The following KAT6B variants were observed in gnomAD, a reference collection of about 807,000 sequenced individuals.
KAT6B encodes the protein lysine acetyltransferase 6B, also known as histone acetyltransferase KAT6B.
KAT6B carries 10 observed loss-of-function variants against 187.5 expected under a neutral mutation model. The observed-to-expected ratio is 0.05, with a 90% CI of 0.03 to 0.09. The LOEUF is 0.09. KAT6B is among the 10% of genes least tolerant of loss of function. The pLI, the probability that KAT6B is intolerant of heterozygous loss-of-function variation, is 1.00. For missense variants in KAT6B, 1,952 were observed against 2,558.9 expected (o/e 0.76, Z 5.12); for synonymous variants, 861 against 926.8 (o/e 0.93, Z 1.29).
chr10:74,967,482 T>A (rs1841562075), intron 4 of KAT6B, among the ~76,000 whole-genome samples: 1 of 152,238 alleles, frequency 6.6e-6, no homozygotes, highest in Admixed American at 6.5e-5. Flanking sequence ...GTTACGGTCT[T>A]TTGTGTTATT....
At chr10:74,970,284 CAT>C (rs982971168) in intron 6 of KAT6B, among the ~76,000 whole-genome samples, 183 bp downstream of exon 6, 12 of 151,094 alleles carry the variant, frequency 7.9e-5, no homozygotes, top group Admixed American at 4.0e-4. Flanking sequence ...GAAAAAAATA[CAT>C]ATATATATGT....
At chr10:75,024,832 A>C (rs1402060551) in intron 16 of KAT6B, 126 bp from the exon 17 acceptor site, 7 of 843,638 alleles carry the variant, frequency 8.3e-6, no homozygotes, top group Non-Finnish European at 1.4e-5. Context: ...GTTAAGTACA[A>C]AGGCATTACA....
intron 4 of KAT6B, among the ~76,000 whole-genome samples, chr10:74,960,791 C>T (rs907061090): frequency 5.3e-5 from 8 of 152,168 alleles, no homozygotes; most frequent in Non-Finnish European, 1.2e-4. Context: ...CAAGTAAACA[C>T]CCTGGCACAA....
chr10:74,832,278 A>G lies in KAT6B; in HGVS notation c.-329+5493A>G, dbSNP rs1424877219. ...GAAGACATCTGTAATACAGTTAACA[A>G]AGAATCCTGTAATAATCTCTCTTTC... On this transcript the variant is annotated intron_variant, in intron 1 of 17. Coordinates refer to ENST00000287239, the MANE Select transcript of KAT6B (RefSeq NM_012330.4). 4.6e-5 allele frequency among the ~76,000 whole-genome samples: 7 copies of G among 152,316 alleles called. No homozygotes were observed. The East Asian group carries it at 1.4e-3, about 29-fold the overall frequency.
rs531183856 is a variant in KAT6B, at chr10:74,955,347, T to G, written c.622-4623T>G. Among the ~76,000 whole-genome samples, 237 of 151,372 alleles carry G rather than the reference T, an allele frequency of 1.6e-3. 1 individual carries two copies. The highest frequency in any genetic ancestry group is 5.5e-3 in the African/African-American group (226 of 41,084). ...GGCCTACTGAAAATAATGATTCAGT[T>G]TAGATCTTTTTTGAGAGTAAAGGGA... On this transcript the variant is annotated intron_variant, in intron 3 of 17. Coordinates refer to ENST00000287239, the MANE Select transcript of KAT6B (RefSeq NM_012330.4).
chr10:74,887,299 G>A (rs1845352236), intron 3 of KAT6B, among the ~76,000 whole-genome samples: 1 of 152,148 alleles, frequency 6.6e-6, no homozygotes, highest in African/African-American at 2.4e-5. Context: ...ATAGTGGGAT[G>A]CTTGCCTCTC....
chr10:74,825,251 C>A (rs1408348360), upstream of KAT6B, among the ~76,000 whole-genome samples: 2 of 152,106 alleles, frequency 1.3e-5, no homozygotes, highest in Non-Finnish European at 2.9e-5. The surrounding 1 kb of genome is among the most constrained non-coding windows in gnomAD (Gnocchi z 5.0). Flanking sequence ...CCAGCCCTGG[C>A]GGGCACACTC....
intron 3 of KAT6B, among the ~76,000 whole-genome samples, chr10:74,909,863 CA>C (rs1328539042): frequency 2.0e-5 from 3 of 152,046 alleles, no homozygotes; most frequent in Non-Finnish European, 4.4e-5. Context: ...TGCCCCACCC[CA>C]AACCATTTAG....
At position 74,967,357 on chromosome 10, in the gene KAT6B, G is replaced by C. The variant is rs1841554504; in HGVS notation, c.731-2303G>C. On this transcript the variant is annotated intron_variant, in intron 4 of 17. Coordinates refer to ENST00000287239, the MANE Select transcript of KAT6B (RefSeq NM_012330.4). The stretch of plus-strand genomic sequence containing the variant: ...AAAAAAAAAAAAAATTAAAGTGTTA[G>C]AGGAAATTGTTGAGTTTATGAAATC... 2.0e-5 allele frequency among the ~76,000 whole-genome samples: 3 copies of C among 152,036 alleles called. No homozygotes were observed. The South Asian group carries it at 6.2e-4, about 32-fold the overall frequency.
intron 1 of KAT6B, among the ~76,000 whole-genome samples, chr10:74,834,153 C>CA (rs1841088593): frequency 6.6e-6 from 1 of 152,030 alleles, no homozygotes; most frequent in Non-Finnish European, 1.5e-5. Flanking sequence ...ATTCATCTGT[C>CA]ACGTTCACAC....
At position 74,975,566 on chromosome 10, in the gene KAT6B, C is replaced by T. The variant is rs1042464895; in HGVS notation, c.1229C>T (p.Thr410Ile). Residue 410 changes from threonine to isoleucine, a missense_variant, in exon 8 of 18, where the codon ACC becomes ATC. Around this residue, in one of 9 missense-constraint regions of KAT6B, gnomAD observed 417 missense variants for 508.9 expected, o/e 0.82. Coordinates refer to ENST00000287239, the MANE Select transcript of KAT6B (RefSeq NM_012330.4). Reference sequence around the variant, plus strand: ...ACAGACCCCACTCGGCCTGGTGCCACCACCAAAATCACCACCACCTCCACC... The same window carrying T: ...ACAGACCCCACTCGGCCTGGTGCCATCACCAAAATCACCACCACCTCCACC... ...AVTDPTRPGATTKITTTSTYI... is the reference protein window; with the variant it reads ...AVTDPTRPGAITKITTTSTYI... The T allele has an allele frequency of 6.2e-7, 1 of 1,613,996 alleles. No individual in the cohort carries two copies. Among genetic ancestry groups the T allele is most frequent in the African/African-American group, 1.3e-5 (1 of 74,974 alleles).
At position 75,021,888 on chromosome 10, in the gene KAT6B, G is replaced by A. The variant is rs377645098; in HGVS notation, c.3029G>A (p.Arg1010Gln). Residue 1010 changes from arginine to glutamine, a missense_variant, in exon 16 of 18, where the codon CGG becomes CAG. Around this residue, in one of 9 missense-constraint regions of KAT6B, gnomAD observed 758 missense variants for 891.4 expected, o/e 0.85. Coordinates refer to ENST00000287239, the MANE Select transcript of KAT6B (RefSeq NM_012330.4). Reference protein sequence around the residue: ...EEREAEKEAERLMEQASCWEK... With the variant: ...EEREAEKEAEQLMEQASCWEK... ...TTTACCCTCCCCACTTAGGCTGAGC[G>A]GCTAATGGAACAAGCTAGCTGCTGG... 52 of 1,614,006 alleles carry A rather than the reference G, an allele frequency of 3.2e-5. No homozygotes were observed. The highest frequency in any genetic ancestry group is 1.9e-4 in the South Asian group (17 of 91,068).
At chr10:75,027,391 T>C (rs1845949511) in intron 17 of KAT6B, among the ~76,000 whole-genome samples, 2 of 152,208 alleles carry the variant, frequency 1.3e-5, no homozygotes, top group South Asian at 4.1e-4. Flanking sequence ...GGACTAGAAC[T>C]CACTCTATTC....
chr10:75,025,289 T>C lies in KAT6B; in HGVS notation c.3664+40T>C, dbSNP rs368433261. 9.8e-4 allele frequency: 1,580 copies of C among 1,604,872 alleles called. 1 individual carries two copies. Among genetic ancestry groups the C allele is most frequent in the Non-Finnish European group, 1.1e-3 (1,309 of 1,174,290 alleles). On this transcript the variant is annotated intron_variant, in intron 17 of 17. Coordinates refer to ENST00000287239, the MANE Select transcript of KAT6B (RefSeq NM_012330.4). ...GATAAAAACCTTACCCTTGAGAATG[T>C]CTGTATCTGACTGGGTGCCAAAGAG... is the stretch of plus-strand genomic sequence containing the variant.
At chr10:74,853,186 C>G (rs576314395) in intron 3 of KAT6B, among the ~76,000 whole-genome samples, 14 of 145,268 alleles carry the variant, frequency 9.6e-5, no homozygotes, top group African/African-American at 3.6e-4. Context: ...TTGATCATGG[C>G]TCACTGCAGC....
At chr10:74,936,755 G>C (rs1296291783) in intron 3 of KAT6B, among the ~76,000 whole-genome samples, 2 of 152,126 alleles carry the variant, frequency 1.3e-5, no homozygotes, top group East Asian at 3.9e-4. Context: ...GTATCTTAGA[G>C]GTTGCCACTT....
chr10:74,885,816 C>T (rs1296173101), intron 3 of KAT6B, among the ~76,000 whole-genome samples: 2 of 151,742 alleles, frequency 1.3e-5, no homozygotes, highest in East Asian at 1.9e-4. Context: ...ACTGCAACCT[C>T]TGCCTCCCAG....
At chr10:74,857,911 A>C (rs540746719) in intron 3 of KAT6B, among the ~76,000 whole-genome samples, 1 of 152,292 alleles carries the variant, frequency 6.6e-6, no homozygotes, top group South Asian at 2.1e-4. Context: ...AGTCCTAACT[A>C]CTTGGGAGGC....
intron 3 of KAT6B, among the ~76,000 whole-genome samples, chr10:74,852,235 CTTGA>C (rs1420637919): frequency 6.6e-6 from 1 of 152,126 alleles, no homozygotes; most frequent in African/African-American, 2.4e-5. Flanking sequence ...TTGAAGAGTG[CTTGA>C]TTATGTGTAT....
Sources: gnomAD v4.1 joint callset for allele counts (sites outside exome capture counted in the v4.1 genomes callset) on GRCh38, gnomAD v4.1.1 for gene constraint, gnomAD v4.1.1 regional missense constraint, Gnocchi (gnomAD v3.1) non-coding constraint, MANE v1.5 for transcripts, NCBI Gene and HGNC (gene_info 2026-07-23, HGNC 2026-07-21) for gene names.